ZFHX3: variants seen among roughly 807,000 people sequenced by gnomAD.
ZFHX3 encodes the protein zinc finger homeobox protein 3.
ZFHX3 carries 42 observed loss-of-function variants against 279.1 expected under a neutral mutation model. That is an observed-to-expected ratio of 0.15 (90% CI 0.12 to 0.19). ZFHX3 has a LOEUF of 0.19. Ranked by LOEUF, ZFHX3 falls within the 10% of genes least tolerant of loss-of-function variation. The probability of loss-of-function intolerance (pLI) is 1.00; values close to 1 mark genes in which losing one functional copy is unlikely to be tolerated. For synonymous variants in ZFHX3, 2,293 were observed against 1,957.8 expected, an observed-to-expected ratio of 1.17 and a Z score of -4.52; for missense variants, 4,981 against 4,754.0, an observed-to-expected ratio of 1.05 and a Z score of -1.40.
chr16:73,171,116 G>C (rs1159630017), intron 5 of ZFHX3, among the ~76,000 whole-genome samples: 2 of 152,138 alleles, frequency 1.3e-5, no homozygotes, highest in East Asian at 3.9e-4. Context: ...CTCTCAAATA[G>C]AGGATGCTGT....
chr16:73,385,739 GGGGTACTCACAGGTAT>G (rs1228508451), intron 3 of ZFHX3, among the ~76,000 whole-genome samples: 1 of 152,230 alleles, frequency 6.6e-6, no homozygotes, highest in Non-Finnish European at 1.5e-5. Context: ...CTTACAGGCT[GGGGTACTCACAGGTAT>G]GGGCAGGAGG....
At chr16:73,320,204 A>G (rs1231608018) in intron 3 of ZFHX3, among the ~76,000 whole-genome samples, 4 of 152,222 alleles carry the variant, frequency 2.6e-5, no homozygotes, top group Admixed American at 6.5e-5. Context: ...TTTGTTTGAC[A>G]TGGAATTCAT....
chr16:73,641,467 G>C (rs2052572635), intron 2 of ZFHX3, among the ~76,000 whole-genome samples: 1 of 152,156 alleles, frequency 6.6e-6, no homozygotes, highest in African/African-American at 2.4e-5. Flanking sequence ...CTACTGGGAA[G>C]GTCTTGGAGC....
At chr16:73,174,702 C>G (rs182420176) in intron 5 of ZFHX3, among the ~76,000 whole-genome samples, 1 of 152,054 alleles carries the variant, frequency 6.6e-6, no homozygotes, top group South Asian at 2.1e-4. Flanking sequence ...CATCAATGAG[C>G]GACCCAGAGG....
At chr16:72,893,356 T>C (rs1232169712) in intron 3 of ZFHX3, among the ~76,000 whole-genome samples, 1 of 152,180 alleles carries the variant, frequency 6.6e-6, no homozygotes, top group East Asian at 1.9e-4. Context: ...CAAATTTGAA[T>C]ATGGATGTGT....
intron 2 of ZFHX3, among the ~76,000 whole-genome samples, chr16:73,525,052 A>G (rs2019668858): frequency 6.6e-6 from 1 of 152,206 alleles, no homozygotes; most frequent in Non-Finnish European, 1.5e-5. Flanking sequence ...ACAAGGAAAA[A>G]AAATTTTCCC....
intron 4 of ZFHX3, among the ~76,000 whole-genome samples, chr16:73,281,041 G>A (rs1264870781): frequency 2.5e-4 from 34 of 138,236 alleles, no homozygotes; most frequent in Non-Finnish European, 2.8e-4. Context: ...GGAGGGGAGG[G>A]GAGGGGAGGG....
chr16:73,595,569 T>C (rs922676810), intron 2 of ZFHX3, among the ~76,000 whole-genome samples: 34 of 152,214 alleles, frequency 2.2e-4, no homozygotes, highest in Non-Finnish European at 5.9e-5. Context: ...TTGTCCATTT[T>C]GACTCTATTC....
intron 1 of ZFHX3, among the ~76,000 whole-genome samples, chr16:73,833,421 G>C (rs965794123): frequency 2.0e-5 from 3 of 152,142 alleles, no homozygotes; most frequent in African/African-American, 4.8e-5. Flanking sequence ...ATAAAGCACA[G>C]TTCCTGTCCT....
At chr16:72,984,429 C>T (rs907748411) in intron 1 of ZFHX3, among the ~76,000 whole-genome samples, 34 of 152,076 alleles carry the variant, frequency 2.2e-4, no homozygotes, top group African/African-American at 8.2e-4. Context: ...AAGTTTGAGA[C>T]CAGCCTGGGC....
intron 2 of ZFHX3, among the ~76,000 whole-genome samples, chr16:73,651,819 C>T (rs2052674919): frequency 6.8e-6 from 1 of 147,178 alleles, no homozygotes. Flanking sequence ...CACGCCACTG[C>T]ACTCCAGCCT....
intron 2 of ZFHX3, among the ~76,000 whole-genome samples, chr16:73,646,019 ATAGCCTT>A (rs1457052761): frequency 6.6e-6 from 1 of 152,236 alleles, no homozygotes; most frequent in Non-Finnish European, 1.5e-5. Context: ...GAAAATCGAT[ATAGCCTT>A]TTGGATGGGA....
rs537904539 is a variant in ZFHX3 at position 72,957,837 on chromosome 16, G to A, written c.2309C>T (p.Ala770Val). ...AGCCACCGCCGCCGCCGCCGCCCCG[G>A]CAGTGTGGCTGAAGACCTGCTCCCC... ...GGGEQVFSHT[A>V]GAAAAAVAAA... Residue 770 changes from alanine (A) to valine (V), a missense_variant, in exon 2 of 10, where the codon GCC becomes GTC. Around this residue, in one of 7 missense-constraint regions of ZFHX3, gnomAD observed 1,751 missense variants for 1,770.0 expected, o/e 0.99. Coordinates refer to ENST00000268489, the MANE Select transcript of ZFHX3 (RefSeq NM_006885.4). 3.0e-5 allele frequency: 49 copies of A among 1,612,838 alleles called. No homozygotes were observed. The African/African-American group carries it at 4.7e-4, about 15-fold the overall frequency.
At chr16:73,770,341 T>G (rs1048796979) in intron 1 of ZFHX3, among the ~76,000 whole-genome samples, 2 of 152,192 alleles carry the variant, frequency 1.3e-5, no homozygotes, top group African/African-American at 4.8e-5. Flanking sequence ...ACACAGATTC[T>G]CCCACAGAGC....
At chr16:73,100,895 C>A (rs538252454) in intron 7 of ZFHX3, among the ~76,000 whole-genome samples, 13 of 152,102 alleles carry the variant, frequency 8.5e-5, no homozygotes, top group South Asian at 2.1e-4. Flanking sequence ...CCTTGCCCAG[C>A]CAATTTCCAG....
intron 5 of ZFHX3, among the ~76,000 whole-genome samples, chr16:73,170,228 T>TTA (rs1967489578): frequency 7.6e-6 from 1 of 130,888 alleles, no homozygotes; most frequent in South Asian, 2.8e-4. Context: ...CACTAGTTTT[T>TTA]TTTTTTTTTT....
intron 4 of ZFHX3, among the ~76,000 whole-genome samples, chr16:73,297,414 C>T (rs570602013): frequency 1.3e-5 from 2 of 152,080 alleles, no homozygotes; most frequent in Admixed American, 6.5e-5. Context: ...CAGCTGGTAA[C>T]CCTGTTATCT....
intron 7 of ZFHX3, among the ~76,000 whole-genome samples, chr16:73,125,773 A>C (rs1007288568): frequency 9.3e-5 from 14 of 151,014 alleles, no homozygotes; most frequent in African/African-American, 3.2e-4. Flanking sequence ...ATACTTAATA[A>C]ACTCCCATAT....
rs923425326 is a variant in ZFHX3 at position 73,785,630 on chromosome 16, T to C, written c.-1607-105390A>G. ...CTTTATCGGTATAAAGGTGGGGTGG[T>C]GGGTGCAGGGTAAATCCTACCCTCA... On this transcript the variant is annotated intron_variant, in intron 1 of 17. Coordinates refer to the ZFHX3 transcript ENST00000641206. 2.2e-4 allele frequency among the ~76,000 whole-genome samples: 34 copies of C among 152,148 alleles called. 1 individual carries two copies. The highest frequency in any genetic ancestry group is 2.1e-4 in the South Asian group (1 of 4,820).
Sources: allele counts gnomAD v4.1 joint callset (sites outside exome capture counted in the v4.1 genomes callset), GRCh38; gene constraint gnomAD v4.1.1; regional missense constraint gnomAD v4.1.1; transcripts MANE v1.5; gene names NCBI Gene and HGNC (gene_info 2026-07-23, HGNC 2026-07-21).